The following SLC39A8 variants were observed in gnomAD, a reference collection of about 807,000 sequenced individuals.
SLC39A8 encodes solute carrier family 39 member 8.
Under a neutral mutation model 40.4 loss-of-function variants are expected in SLC39A8, and 15 were observed. The ratio of observed to expected loss-of-function variants is 0.37; its 90% CI spans 0.25 to 0.57. The LOEUF (loss-of-function observed/expected upper bound fraction) is 0.57, where lower values mean the gene tolerates loss of function less well. Ranked by LOEUF, SLC39A8 falls within the 20% of genes least tolerant of loss-of-function variation. The pLI is 0.75. For synonymous variants in SLC39A8, 223 were observed against 221.6 expected (o/e 1.01, Z -0.06); for missense variants, 472 against 558.8 (o/e 0.84, Z 1.57).
chr4:102,259,746 A>G (rs1364198064), downstream of SLC39A8, among the ~76,000 whole-genome samples: 1 of 152,192 alleles, frequency 6.6e-6, no homozygotes, highest in Non-Finnish European at 1.5e-5. Flanking sequence ...CCACATTTGG[A>G]TGTCAGATCC....
At chr4:102,270,855 C>T (rs57245170) in intron 6 of SLC39A8, among the ~76,000 whole-genome samples, 9,033 of 151,890 alleles carry the variant, frequency 0.059, 887 homozygotes, top group African/African-American at 0.2. Context: ...TGTTGAATCC[C>T]AACATAAATT....
At chr4:102,259,376 C>G, downstream of SLC39A8, 3 of 992,014 alleles carry the variant, frequency 3.0e-6, no homozygotes, top group South Asian at 4.7e-5. Context: ...TGCACAGTCA[C>G]TGCAGAAGGA....
chr4:102,331,422 A>G (rs977034619), intron 2 of SLC39A8, among the ~76,000 whole-genome samples: 1 of 152,154 alleles, frequency 6.6e-6, no homozygotes, highest in Non-Finnish European at 1.5e-5. Context: ...CACAATTGCT[A>G]CAAAGAGAAT....
chr4:102,337,239 A>G (rs1735708345), intron 2 of SLC39A8, among the ~76,000 whole-genome samples: 1 of 152,022 alleles, frequency 6.6e-6, no homozygotes, highest in Non-Finnish European at 1.5e-5. Flanking sequence ...TTCTCAAAAA[A>G]AAAAAAAAAG....
chr4:102,268,133 T>C (rs1732189528), intron 6 of SLC39A8, 54 bp from the exon 7 acceptor site: 1 of 1,589,954 alleles, frequency 6.3e-7, no homozygotes, highest in Non-Finnish European at 8.6e-7. Context: ...GTCTCAGAAA[T>C]ACAGACAAGT....
In SLC39A8 at chr4:102,267,866, C is replaced by CCTTACCTAA. The variant is rs774676381; in HGVS notation, c.1045_1048+5dup. 2.5e-6 allele frequency: 4 copies of CCTTACCTAA among 1,613,584 alleles called. No individual in the cohort carries two copies. The highest frequency in any genetic ancestry group is 3.4e-6 in the Non-Finnish European group (4 of 1,179,766). On this transcript the variant is annotated splice_donor_region_variant and intron_variant, in intron 7 of 8. Coordinates refer to ENST00000356736, the MANE Select transcript of SLC39A8 (RefSeq NM_001135146.2). ...AGACTTTTACAATATGAACAGAGCT[C>CCTTACCTAA]CTTACCTAACTCGTGGGGAAACTCC...
chr4:102,285,687 A>T (rs1479382371), intron 6 of SLC39A8, among the ~76,000 whole-genome samples: 1 of 152,076 alleles, frequency 6.6e-6, no homozygotes, highest in East Asian at 1.9e-4. Flanking sequence ...GCTAATTACT[A>T]TATAATATAG....
chr4:102,334,281 C>G (rs1735581233), intron 2 of SLC39A8, among the ~76,000 whole-genome samples: 1 of 152,170 alleles, frequency 6.6e-6, no homozygotes, highest in Admixed American at 6.5e-5. Flanking sequence ...ACTGAGGATT[C>G]AAAATTGGAA....
chr4:102,331,019 G>A (rs573234453), intron 2 of SLC39A8, among the ~76,000 whole-genome samples: 405 of 152,270 alleles, frequency 2.7e-3, no homozygotes, highest in Non-Finnish European at 4.6e-3. Flanking sequence ...TTGATGGGAT[G>A]TATCTCAAAA....
At chr4:102,345,015 G>T in intron 1 of SLC39A8, 100 bp from the exon 2 acceptor site, 2 of 716,014 alleles carry the variant, frequency 2.8e-6, no homozygotes, top group Non-Finnish European at 3.6e-6. Flanking sequence ...CAAACGCCCG[G>T]CCGGGCATGG....
At chr4:102,336,523 A>T (rs776124054) in intron 2 of SLC39A8, among the ~76,000 whole-genome samples, 2 of 152,138 alleles carry the variant, frequency 1.3e-5, no homozygotes, top group Non-Finnish European at 2.9e-5. Context: ...TGCTCACTTG[A>T]TTTTTTTCTC....
chr4:102,265,002 G>A (rs1025814014), intron 8 of SLC39A8, among the ~76,000 whole-genome samples: 1 of 152,178 alleles, frequency 6.6e-6, no homozygotes, highest in African/African-American at 2.4e-5. Flanking sequence ...TCAGCAATAA[G>A]GCTGTTTTGC....
At chr4:102,256,867 C>G (rs186842575), downstream of SLC39A8, among the ~76,000 whole-genome samples, 17 of 152,276 alleles carry the variant, frequency 1.1e-4, no homozygotes, top group Non-Finnish European at 1.6e-4. Flanking sequence ...TGATTACAAA[C>G]ATGCAAGTGG....
intron 2 of SLC39A8, among the ~76,000 whole-genome samples, chr4:102,321,235 T>C (rs1397544583): frequency 2.0e-5 from 3 of 151,990 alleles, no homozygotes; most frequent in Non-Finnish European, 2.9e-5. Flanking sequence ...GGAGAAATGA[T>C]ATGCAGAGGA....
intron 2 of SLC39A8, among the ~76,000 whole-genome samples, chr4:102,327,567 C>A (rs979100547): frequency 6.6e-6 from 1 of 152,240 alleles, no homozygotes. Context: ...AGACTCCAGA[C>A]ATCCCTGTTA....
At chr4:102,252,387 A>G (rs1347789291) in exon 12 of SLC39A8, 1 of 152,346 alleles carries the variant, frequency 6.6e-6, no homozygotes, top group Non-Finnish European at 1.5e-5. Context: ...CTTGGGAGAA[A>G]AAGGATTTAT....
At chr4:102,324,453 A>C (rs2149047016) in intron 2 of SLC39A8, among the ~76,000 whole-genome samples, 1 of 151,176 alleles carries the variant, frequency 6.6e-6, no homozygotes, top group African/African-American at 2.4e-5. Context: ...CACCAGAGTG[A>C]GAATTTTAGG....
Position 102,344,474 on chromosome 4 carries a change from G to T in SLC39A8, c.189C>A (p.Val63=). 1 of 1,547,296 alleles carries T rather than the reference G, an allele frequency of 6.5e-7. No individual in the cohort carries two copies. Among genetic ancestry groups the T allele is most frequent in the Non-Finnish European group, 8.7e-7 (1 of 1,146,078 alleles). ...TGAAGTGCAGCTGGCCAGGCTCCGG[G>T]ACGCCCACGCGGGAGGCGGCTCCCA... ...EQMGAASRVG[V]PEPGQLHFNQ... is the part of the protein sequence containing the mutation. The change falls in exon 2 of 9, where the codon GTC becomes GTA. Residue 63 remains valine (V), a synonymous_variant. Coordinates refer to ENST00000356736, the MANE Select transcript of SLC39A8 (RefSeq NM_001135146.2).
intron 6 of SLC39A8, among the ~76,000 whole-genome samples, chr4:102,295,575 T>G (rs1733645160): frequency 6.6e-6 from 1 of 152,100 alleles, no homozygotes; most frequent in African/African-American, 2.4e-5. Context: ...AGGGTCTCAC[T>G]GTTGCCCAGG....
Sources: allele counts gnomAD v4.1 joint callset (sites outside exome capture counted in the v4.1 genomes callset), GRCh38; gene constraint gnomAD v4.1.1; transcripts MANE v1.5; gene names NCBI Gene and HGNC (gene_info 2026-07-23, HGNC 2026-07-21).